The following TRPV2 variants were observed in gnomAD, a reference collection of about 807,000 sequenced individuals.
The protein encoded by TRPV2 is OTRPC2.
A neutral mutation model predicts 91.0 loss-of-function variants in TRPV2; 58 were observed. That is an observed-to-expected ratio of 0.64 (90% confidence interval 0.52 to 0.79). TRPV2 has a LOEUF of 0.79. Among genes scored for constraint, TRPV2 ranks in the 30% least tolerant of loss-of-function variants. The pLI is 0.00. For synonymous variants in TRPV2, 417 were observed against 414.8 expected, an observed-to-expected ratio of 1.01 and a Z score of -0.06; for missense variants, 807 against 969.6, an observed-to-expected ratio of 0.83 and a Z score of 2.23.
chr17:16,422,340 A>T (rs1657961323), intron 3 of TRPV2, among the ~76,000 whole-genome samples: 1 of 146,610 alleles, frequency 6.8e-6, no homozygotes. Context: ...AAAAAAAAAG[A>T]AAAGAAAAGA....
intron 8 of TRPV2, 44 bp from the exon 9 acceptor site, chr17:16,428,273 G>T (rs147223530): frequency 1.3e-6 from 2 of 1,593,356 alleles, no homozygotes; most frequent in African/African-American, 1.3e-5. Context: ...GGGGGCATGC[G>T]GGAGAGCAGG....
intron 2 of TRPV2, 61 bp from the exon 3 acceptor site, chr17:16,420,054 G>A (rs62074231): frequency 1.3e-6 from 2 of 1,581,020 alleles, no homozygotes; most frequent in East Asian, 2.3e-5. Flanking sequence ...CTGGGATGGA[G>A]GGCTTTTGGG....
Position 16,433,568 on chromosome 17 carries a change from C to G in TRPV2, c.1990-6C>G. 1 of 1,613,638 alleles carries G rather than the reference C, an allele frequency of 6.2e-7. No individual in the cohort carries two copies. Among genetic ancestry groups the G allele is most frequent in the Non-Finnish European group, 8.5e-7 (1 of 1,179,820 alleles). Reference sequence around the variant, plus strand: ...ACGTTCTGTCTGATGCATCCTTTGTCCCCAGAAAGCCATCTCTGTCCTGGA... The same window carrying G: ...ACGTTCTGTCTGATGCATCCTTTGTGCCCAGAAAGCCATCTCTGTCCTGGA... On this transcript the variant is annotated splice_region_variant and splice_polypyrimidine_tract_variant and intron_variant, in intron 12 of 14. Coordinates refer to ENST00000338560, the MANE Select transcript of TRPV2 (RefSeq NM_016113.5).
chr17:16,427,351 C>T, intron 7 of TRPV2, 98 bp from the exon 8 acceptor site: 2 of 1,181,878 alleles, frequency 1.7e-6, no homozygotes, highest in Non-Finnish European at 1.2e-6. Context: ...AGCCTCTCCA[C>T]AGCTCAGGCT....
rs2093416254 is a variant in TRPV2, at chr17:16,432,150, G to A, written c.1839G>A (p.Gln613=). 2 of 1,614,264 alleles carry A rather than the reference G, an allele frequency of 1.2e-6. No homozygotes were observed. Among genetic ancestry groups the A allele is most frequent in the Non-Finnish European group, 1.7e-6 (2 of 1,180,038 alleles). ...FTIGMGELAF[Q]EQLHFRGMVL... ...TCGGCATGGGCGAGCTGGCCTTCCA[G>A]GAGCAGCTGCACTTCCGCGGCATGG... Residue 613 remains glutamine, a synonymous_variant, in exon 12 of 15, where the codon CAG becomes CAA. Transcript: ENST00000338560.
In TRPV2 at chr17:16,423,904, G is replaced by A. The variant is rs985713942; in HGVS notation, c.924+137G>A. Reference sequence around the variant, plus strand: ...TTCAATGGAACACTCCTGTTAGTAAGAAAATTTTCAGTATGTACCTCTGAT... The same window carrying A: ...TTCAATGGAACACTCCTGTTAGTAAAAAAATTTTCAGTATGTACCTCTGAT... On this transcript the variant is annotated intron_variant, in intron 5 of 14. Coordinates refer to ENST00000338560, the MANE Select transcript of TRPV2 (RefSeq NM_016113.5). The A allele has an allele frequency of 5.1e-5, 40 of 778,728 alleles. No homozygotes were observed. In the Admixed American group the frequency reaches 1.0e-3, roughly 20 times the overall value. 48.2% of individuals were successfully genotyped at this position (778,728 alleles called of 1,614,324 possible).
chr17:16,431,819 C>T lies in TRPV2; in HGVS notation c.1623C>T (p.Ile541=). 6.2e-7 allele frequency: 1 copy of T among 1,614,162 alleles called. No individual in the cohort carries two copies. Among genetic ancestry groups the T allele is most frequent in the East Asian group, 2.2e-5 (1 of 44,862 alleles). ...GGGACCTGCTGCGCTTCCTTCTGAT[C>T]TACTTAGTCTTCCTTTTCGGCTTCG... ...ILRDLLRFLL[I]YLVFLFGFAV... is the part of the protein sequence containing the mutation. The change falls in exon 11 of 15, where the codon ATC becomes ATT. Residue 541 remains isoleucine, a synonymous_variant. Transcript: ENST00000338560.
rs142023889 is a variant in TRPV2 at position 16,431,837 on chromosome 17, C to T, written c.1641C>T (p.Phe547=). The change falls in exon 11 of 15, where the codon TTC becomes TTT. Residue 547 remains phenylalanine (F), a synonymous_variant. Coordinates refer to ENST00000338560, the MANE Select transcript of TRPV2 (RefSeq NM_016113.5). ...TTCTGATCTACTTAGTCTTCCTTTT[C>T]GGCTTCGCTGTAGGTAAAGGCTCCC... is the stretch of plus-strand genomic sequence containing the variant. The part of the protein sequence containing the change: ...RFLLIYLVFL[F]GFAVALVSLS... 153 of 1,614,140 alleles carry T rather than the reference C, an allele frequency of 9.5e-5. No homozygotes were observed. In the East Asian group the frequency reaches 2.5e-3, roughly 26 times the overall value.
In TRPV2 at chr17:16,430,652, A is replaced by T. The variant is rs894054150; in HGVS notation, c.1588-1132A>T. 7.3e-5 allele frequency among the ~76,000 whole-genome samples: 11 copies of T among 151,648 alleles called. No individual in the cohort carries two copies. The East Asian group carries it at 7.8e-4, about 11-fold the overall frequency. On this transcript the variant is annotated intron_variant, in intron 10 of 14. Transcript: ENST00000338560. ...AGGCATGTGTCACCACATCCGGCAA[A>T]TTTTTTTTATTTTTAGTAGAGACGG...
At chr17:16,424,444 G>A (rs770436062) in intron 5 of TRPV2, among the ~76,000 whole-genome samples, 2 of 152,050 alleles carry the variant, frequency 1.3e-5, no homozygotes, top group African/African-American at 2.4e-5. Context: ...ACAGGCACGC[G>A]CCACTGCACC....
Position 16,428,393 on chromosome 17 carries a change from T to C in TRPV2, c.1421+6T>C. 1 of 1,613,986 alleles carries C rather than the reference T, an allele frequency of 6.2e-7. No homozygotes were observed. Among genetic ancestry groups the C allele is most frequent in the Non-Finnish European group, 8.5e-7 (1 of 1,179,898 alleles). ...AGCTACTTTGAAATCCTCTTGTACGTGGGTTCTCACTCCTCCTTCTCTCAA... is the reference window on the plus strand; with the variant it reads ...AGCTACTTTGAAATCCTCTTGTACGCGGGTTCTCACTCCTCCTTCTCTCAA... On this transcript the variant is annotated splice_donor_region_variant and intron_variant, in intron 9 of 14. Coordinates refer to ENST00000338560, the MANE Select transcript of TRPV2 (RefSeq NM_016113.5).
chr17:16,421,337 C>T (rs2093355554), intron 3 of TRPV2, among the ~76,000 whole-genome samples: 1 of 151,926 alleles, frequency 6.6e-6, no homozygotes, highest in African/African-American at 2.4e-5. Flanking sequence ...CAGCCTCAGC[C>T]TCCCGAGCAG....
chr17:16,431,786 C>T lies in TRPV2; in HGVS notation c.1590C>T (p.Val530=). The T allele has an allele frequency of 1.2e-6, 2 of 1,614,090 alleles. No individual in the cohort carries two copies. The highest frequency in any genetic ancestry group is 1.7e-6 in the Non-Finnish European group (2 of 1,180,004). Residue 530 remains valine, a splice_region_variant and synonymous_variant, in exon 11 of 15, where the codon GTC becomes GTT. Coordinates refer to ENST00000338560, the MANE Select transcript of TRPV2 (RefSeq NM_016113.5). ...GCCCCTGGGCACATGTGTTCCAGGT[C>T]ATCCTGCGGGACCTGCTGCGCTTCC... The part of the protein sequence containing the change: ...TGIYSVMIQK[V]ILRDLLRFLL...
chr17:16,431,287 ACATATTTTTT>A lies in TRPV2; in HGVS notation c.1588-496_1588-487del, dbSNP rs1449407567. On this transcript the variant is annotated intron_variant, in intron 10 of 14. Coordinates refer to ENST00000338560, the MANE Select transcript of TRPV2 (RefSeq NM_016113.5). ...TATATATATATATATATATATATATACATATTTTTTTTTTTTTTTTTTTTGAGACGAAGTC... is the reference window on the plus strand; with the variant it reads ...TATATATATATATATATATATATATATTTTTTTTTTTTTTGAGACGAAGTC... Among the ~76,000 whole-genome samples, 111 of 25,438 alleles carry A rather than the reference ACATATTTTTT, an allele frequency of 4.4e-3. 1 individual carries two copies. Among genetic ancestry groups the A allele is most frequent in the African/African-American group, 0.012 (82 of 7,128 alleles). 16.7% of individuals were successfully genotyped at this position (25,438 alleles called of 152,430 possible). A position where few individuals can be genotyped will look rare whatever the true frequency, so the allele number is the denominator to read the frequency against.
chr17:16,428,348 T>G lies in TRPV2; in HGVS notation c.1382T>G (p.Ile461Ser). 1 of 1,614,202 alleles carries G rather than the reference T, an allele frequency of 6.2e-7. No homozygotes were observed. Residue 461 changes from isoleucine to serine, a missense_variant, in exon 9 of 15, where the codon ATC becomes AGC. Physicochemically the swap from Ile to Ser is moderately radical, Grantham distance 142. Transcript: ENST00000338560. ...TACTTCTGGCGGCGCCACGTGTTCA[T>G]CTGGATCTCGTTCATAGACAGCTAC... The part of the protein sequence containing the change: ...LWYFWRRHVF[I>S]WISFIDSYFE...
intron 2 of TRPV2, among the ~76,000 whole-genome samples, chr17:16,418,364 T>C (rs930240922): frequency 1.3e-5 from 2 of 152,266 alleles, no homozygotes; most frequent in East Asian, 1.9e-4. Flanking sequence ...GATTTTCCTG[T>C]GGTCTTTCCA....
At chr17:16,434,525 C>T (rs2093427307) in intron 13 of TRPV2, among the ~76,000 whole-genome samples, 1 of 151,612 alleles carries the variant, frequency 6.6e-6, no homozygotes, top group Non-Finnish European at 1.5e-5. Context: ...TGTCGTGAGG[C>T]AGCAGATGAG....
chr17:16,429,578 T>G (rs984761279), intron 10 of TRPV2, among the ~76,000 whole-genome samples: 4 of 152,198 alleles, frequency 2.6e-5, no homozygotes, highest in African/African-American at 9.6e-5. Context: ...GAAGCCTCTC[T>G]AAAGAGGGGA....
rs576176898 is a variant in TRPV2 at position 16,430,487 on chromosome 17, C to CTTTTTT, written c.1588-1286_1588-1281dup. 7.5e-5 allele frequency among the ~76,000 whole-genome samples: 6 copies of CTTTTTT among 80,480 alleles called. 1 individual carries two copies. Among genetic ancestry groups the CTTTTTT allele is most frequent in the Non-Finnish European group, 1.9e-4 (5 of 26,780 alleles). The allele number at this position is 80,480 out of a possible 152,430, so 52.8% of individuals were successfully genotyped here. A position where few individuals can be genotyped will look rare whatever the true frequency, so the allele number is the denominator to read the frequency against. On this transcript the variant is annotated intron_variant, in intron 10 of 14. Transcript: ENST00000338560. ...TGTAGCATGTGTCAGAAATGCCTTC[C>CTTTTTT]TTTTTTTTTTTTTTTTGAGATGGAG...
Sources: allele counts gnomAD v4.1 joint callset (sites outside exome capture counted in the v4.1 genomes callset), GRCh38; gene constraint gnomAD v4.1.1; transcripts MANE v1.5; gene names NCBI Gene and HGNC (gene_info 2026-07-23, HGNC 2026-07-21).